The following NBEA variants were observed in gnomAD, a reference collection of about 807,000 sequenced individuals.
NBEA encodes the protein lysosomal-trafficking regulator 2.
A neutral mutation model predicts 343.4 loss-of-function variants in NBEA; 44 were observed. The ratio of observed to expected loss-of-function variants is 0.13; its 90% confidence interval spans 0.10 to 0.16. The LOEUF is 0.16. NBEA is among the 10% of genes least tolerant of loss of function. The probability of loss-of-function intolerance (pLI) is 1.00; values close to 1 mark genes in which losing one functional copy is unlikely to be tolerated. For missense variants in NBEA, 2,555 were observed against 3,631.3 expected (o/e 0.70, Z 7.62); for synonymous variants, 1,175 against 1,238.7 (o/e 0.95, Z 1.08).
intron 36 of NBEA, among the ~76,000 whole-genome samples, chr13:35,347,213 T>C (rs1378449354): frequency 1.3e-5 from 2 of 152,068 alleles, no homozygotes; most frequent in Non-Finnish European, 2.9e-5. Flanking sequence ...TAGTGAAGAA[T>C]ATAGGAGGAA....
At chr13:35,101,209 G>C (rs1313870500) in intron 11 of NBEA, among the ~76,000 whole-genome samples, 1 of 151,938 alleles carries the variant, frequency 6.6e-6, no homozygotes, top group East Asian at 1.9e-4. Flanking sequence ...TTTCTGTTCA[G>C]TAGATACCTA....
intron 1 of NBEA, among the ~76,000 whole-genome samples, chr13:34,968,441 C>T (rs1333989230): frequency 6.6e-6 from 1 of 152,086 alleles, no homozygotes; most frequent in East Asian, 1.9e-4. Flanking sequence ...TCAAAAGGGT[C>T]TTGTTATGAA....
chr13:35,379,735 C>CAATAAAT, intron 38 of NBEA, among the ~76,000 whole-genome samples: 1 of 144,300 alleles, frequency 6.9e-6, no homozygotes, highest in Non-Finnish European at 1.5e-5. Flanking sequence ...CATGGATATT[C>CAATAAAT]AGTCAAAGTG....
At chr13:35,598,856 G>T (rs1197974540) in intron 47 of NBEA, among the ~76,000 whole-genome samples, 2 of 152,126 alleles carry the variant, frequency 1.3e-5, no homozygotes, top group Non-Finnish European at 2.9e-5. Context: ...CTTATTTTGA[G>T]AATCTTTTGC....
chr13:35,509,848 C>T (rs1050106815), intron 41 of NBEA, among the ~76,000 whole-genome samples: 5 of 152,108 alleles, frequency 3.3e-5, no homozygotes, highest in East Asian at 3.9e-4. Flanking sequence ...TTGAATAAGG[C>T]GACAGTCACT....
chr13:35,372,406 G>A (rs1479435925), intron 38 of NBEA, among the ~76,000 whole-genome samples: 1 of 152,200 alleles, frequency 6.6e-6, no homozygotes, highest in Non-Finnish European at 1.5e-5. Context: ...GGACAGGGCA[G>A]AGTGATCTCC....
intron 41 of NBEA, among the ~76,000 whole-genome samples, chr13:35,485,518 G>C (rs770699617): frequency 6.6e-6 from 1 of 152,070 alleles, no homozygotes; most frequent in Non-Finnish European, 1.5e-5. Flanking sequence ...GTTCACTACT[G>C]TTAGTTACAT....
chr13:35,208,635 G>A (rs556018691), intron 31 of NBEA, 65 bp from the exon 32 acceptor site: 79 of 1,377,986 alleles, frequency 5.7e-5, no homozygotes, highest in South Asian at 2.0e-4. Context: ...TATATCTGTT[G>A]CAGCAGGATT....
chr13:35,603,861 T>C (rs1354962897), intron 47 of NBEA, among the ~76,000 whole-genome samples: 1 of 152,254 alleles, frequency 6.6e-6, no homozygotes, highest in Non-Finnish European at 1.5e-5. Context: ...GACCAGGTCA[T>C]ATGCAAATAG....
intron 49 of NBEA, among the ~76,000 whole-genome samples, chr13:35,643,070 A>T (rs148804368): frequency 6.6e-6 from 1 of 151,368 alleles, no homozygotes; most frequent in East Asian, 1.9e-4. Context: ...GAAGGAATTC[A>T]TCTCACAGTT....
chr13:35,336,294 A>T (rs1485289806), intron 36 of NBEA, among the ~76,000 whole-genome samples: 1 of 152,074 alleles, frequency 6.6e-6, no homozygotes, highest in Non-Finnish European at 1.5e-5. Context: ...AGTACGACCC[A>T]CACACAGCAA....
At chr13:35,510,771 G>T (rs1018479523) in intron 41 of NBEA, among the ~76,000 whole-genome samples, 2 of 152,136 alleles carry the variant, frequency 1.3e-5, no homozygotes, top group Non-Finnish European at 2.9e-5. Flanking sequence ...TTACAATTTT[G>T]TTAGGCACTC....
chr13:34,957,006 G>A (rs1301253230), intron 1 of NBEA, among the ~76,000 whole-genome samples: 2 of 148,818 alleles, frequency 1.3e-5, no homozygotes, highest in Non-Finnish European at 3.0e-5. Context: ...AATATCATGT[G>A]GAATATATAT....
intron 27 of NBEA, 70 bp downstream of exon 27, chr13:35,173,664 A>G (rs2070650233): frequency 2.0e-6 from 3 of 1,478,342 alleles, no homozygotes; most frequent in Admixed American, 3.7e-5. Flanking sequence ...TGATGAGAAC[A>G]AAGTGCCATG....
At chr13:35,570,582 C>T (rs1198845924) in intron 45 of NBEA, among the ~76,000 whole-genome samples, 5 of 152,182 alleles carry the variant, frequency 3.3e-5, no homozygotes, top group South Asian at 2.1e-4. Flanking sequence ...TCCAATTTTA[C>T]TATATTCTAT....
chr13:35,058,688 G>A (rs768002538), intron 7 of NBEA, 29 bp from the exon 8 acceptor site: 1 of 1,527,906 alleles, frequency 6.5e-7, no homozygotes, highest in Non-Finnish European at 8.9e-7. Context: ...TAAAAATAAT[G>A]CATTTTTCTT....
intron 41 of NBEA, among the ~76,000 whole-genome samples, chr13:35,500,338 T>G (rs2076837216): frequency 6.6e-6 from 1 of 152,076 alleles, no homozygotes; most frequent in Non-Finnish European, 1.5e-5. Flanking sequence ...GACTGTTATG[T>G]GAGTGCATGA....
At chr13:35,483,741 A>T (rs571701016) in intron 41 of NBEA, among the ~76,000 whole-genome samples, 1 of 152,172 alleles carries the variant, frequency 6.6e-6, no homozygotes, top group East Asian at 1.9e-4. Flanking sequence ...TTTTAATGTT[A>T]TGCATGCTTA....
At chr13:35,374,095 C>T (rs1354914377) in intron 38 of NBEA, among the ~76,000 whole-genome samples, 1 of 152,144 alleles carries the variant, frequency 6.6e-6, no homozygotes, top group Non-Finnish European at 1.5e-5. Context: ...GCCTTCCTCA[C>T]TAAACTTAAT....
Sources: gnomAD v4.1 joint callset for allele counts (sites outside exome capture counted in the v4.1 genomes callset) on GRCh38, gnomAD v4.1.1 for gene constraint, MANE v1.5 for transcripts, NCBI Gene and HGNC (gene_info 2026-07-23, HGNC 2026-07-21) for gene names.